The following ZNF813 variants were observed in gnomAD, a reference collection of about 807,000 sequenced individuals.
ZNF813 encodes the protein zinc finger protein 813.
In ZNF813, 3 loss-of-function variants were observed where a neutral mutation model predicts 7.2. The ratio of observed to expected loss-of-function variants is 0.42; its 90% CI spans 0.19 to 1.08. ZNF813 has a LOEUF of 1.08. Ranked by LOEUF, ZNF813 falls within the 50% of genes least tolerant of loss-of-function variation. The pLI is 0.30. For synonymous variants in ZNF813, 227 were observed against 256.3 expected (o/e 0.89, Z 1.09); for missense variants, 714 against 753.3 (o/e 0.95, Z 0.61).
chr19:53,467,798 G>C lies in ZNF813; in HGVS notation c.-74+9G>C, dbSNP rs1266731674. 3.5e-5 allele frequency: 6 copies of C among 170,128 alleles called. No individual in the cohort carries two copies. The highest frequency in any genetic ancestry group is 7.7e-5 in the Non-Finnish European group (6 of 77,518). 10.5% of individuals were successfully genotyped at this position (170,128 alleles called of 1,614,324 possible). On this transcript the variant is annotated intron_variant, in intron 1 of 3. Coordinates refer to ENST00000396403, the MANE Select transcript of ZNF813 (RefSeq NM_001004301.4). ...CGGTCCCACGGCAGCGCGTGAGTTT[G>C]GCTCTGTGTTGTATTAGGTCTGCAC...
chr19:53,486,408 T>C (rs1427870049), intron 2 of ZNF813, among the ~76,000 whole-genome samples: 10 of 150,782 alleles, frequency 6.6e-5, no homozygotes, highest in Non-Finnish European at 1.3e-4. Context: ...GACTGTGCCA[T>C]TGCACTCCAG....
rs527369500 is a variant in ZNF813, at chr19:53,468,975, G to C, written c.-74+1186G>C. On this transcript the variant is annotated intron_variant, in intron 1 of 3. Coordinates refer to ENST00000396403, the MANE Select transcript of ZNF813 (RefSeq NM_001004301.4). ...AGGCCATATCTCAGGCTGTCTCAGT[G>C]GGGGGAAACTTGGACAATACCCAGG... 4.3e-3 allele frequency among the ~76,000 whole-genome samples: 521 copies of C among 120,942 alleles called. 2 individuals are homozygous for C. Among genetic ancestry groups the C allele is most frequent in the Non-Finnish European group, 7.2e-3 (390 of 54,262 alleles). The allele number at this position is 120,942 out of a possible 152,430, so 79.3% of individuals were successfully genotyped here. A position where few individuals can be genotyped will look rare whatever the true frequency, so the allele number is the denominator to read the frequency against.
At chr19:53,468,071 C>T (rs2147151608) in intron 1 of ZNF813, among the ~76,000 whole-genome samples, 1 of 152,372 alleles carries the variant, frequency 6.6e-6, no homozygotes, top group East Asian at 1.9e-4. Context: ...TCCCACCCCG[C>T]GCTTTTTGAA....
Position 53,492,288 on chromosome 19 carries a change from C to G in ZNF813, c.*202C>G. 1.2e-6 allele frequency: 1 copy of G among 835,180 alleles called. No individual in the cohort carries two copies. Among genetic ancestry groups the G allele is most frequent in the South Asian group, 1.8e-5 (1 of 55,764 alleles). The allele number at this position is 835,180 out of a possible 1,614,324, so 51.7% of individuals were successfully genotyped here. ...TCATAGACTTCATAGTGGAGAGAAA[C>G]CTTAGAAATGTGAAGCATGTGACAA... On this transcript the variant is annotated 3_prime_UTR_variant, in exon 4 of 4. Coordinates refer to ENST00000396403, the MANE Select transcript of ZNF813 (RefSeq NM_001004301.4).
At chr19:53,488,373 G>C in intron 3 of ZNF813, 3 of 341,622 alleles carry the variant, frequency 8.8e-6, no homozygotes, top group Non-Finnish European at 1.2e-5. Context: ...ATATTTGTGG[G>C]TTGGAGTGAC....
Position 53,493,599 on chromosome 19 carries a change from T to A in ZNF813, c.*1513T>A, listed in dbSNP as rs2086473883. The A allele has an allele frequency of 6.6e-6, 1 of 152,390 alleles. No homozygotes were observed. 9.4% of individuals were successfully genotyped at this position (152,390 alleles called of 1,614,324 possible). A position where few individuals can be genotyped will look rare whatever the true frequency, so the allele number is the denominator to read the frequency against. On this transcript the variant is annotated 3_prime_UTR_variant, in exon 4 of 4. Coordinates refer to ENST00000396403, the MANE Select transcript of ZNF813 (RefSeq NM_001004301.4). ...TTAAATTTTCTTTTAAAATTGTTTA[T>A]TGTTAATGTATGGAAATTCAGCTAA...
chr19:53,476,158 G>T (rs942686189), intron 1 of ZNF813, among the ~76,000 whole-genome samples: 2 of 152,120 alleles, frequency 1.3e-5, no homozygotes, highest in Admixed American at 6.6e-5. Flanking sequence ...ATTTGGGCTT[G>T]CTTTTTTGAT....
intron 1 of ZNF813, among the ~76,000 whole-genome samples, chr19:53,470,414 A>C (rs2086353088): frequency 1.3e-5 from 2 of 150,698 alleles, no homozygotes; most frequent in Non-Finnish European, 1.5e-5. Context: ...TTTTATAAAC[A>C]AGATTTTAAT....
intron 1 of ZNF813, chr19:53,479,505 C>T (rs145493139): frequency 3.6e-5 from 49 of 1,377,932 alleles, no homozygotes; most frequent in Middle Eastern, 2.5e-4. Context: ...CCTCCGTGAA[C>T]GGTAGGATCC....
At chr19:53,471,536 G>A (rs1409870404) in intron 1 of ZNF813, among the ~76,000 whole-genome samples, 2 of 152,170 alleles carry the variant, frequency 1.3e-5, no homozygotes, top group East Asian at 1.9e-4. Flanking sequence ...AAGGCTGGGT[G>A]CGGTGGCTCA....
At position 53,493,282 on chromosome 19, in the gene ZNF813, T is replaced by G. The variant is rs1253211170; in HGVS notation, c.*1196T>G. 1 of 178,042 alleles carries G rather than the reference T, an allele frequency of 5.6e-6. No homozygotes were observed. Among genetic ancestry groups the G allele is most frequent in the African/African-American group, 2.4e-5 (1 of 42,014 alleles). The allele number at this position is 178,042 out of a possible 1,614,324, so 11.0% of individuals were successfully genotyped here. A position where few individuals can be genotyped will look rare whatever the true frequency, so the allele number is the denominator to read the frequency against. ...ATAGGGATTTTTATGGGTACCGTGT[T>G]GAATCTAAATCACATTGGGTTATAT... is the stretch of plus-strand genomic sequence containing the variant. On this transcript the variant is annotated 3_prime_UTR_variant, in exon 4 of 4. Transcript: ENST00000396403.
chr19:53,488,975 G>T (rs2086446977), intron 3 of ZNF813, among the ~76,000 whole-genome samples: 1 of 151,972 alleles, frequency 6.6e-6, no homozygotes, highest in Non-Finnish European at 1.5e-5. Context: ...TTCGGTATGT[G>T]GTATGCAATA....
chr19:53,488,961 G>T (rs1425056601), intron 3 of ZNF813, among the ~76,000 whole-genome samples: 1 of 152,020 alleles, frequency 6.6e-6, no homozygotes, highest in Non-Finnish European at 1.5e-5. Context: ...TGTACATAAA[G>T]CTTTTCGGTA....
intron 2 of ZNF813, 60 bp from the exon 3 acceptor site, chr19:53,486,564 CTTCTCATT>C: frequency 6.2e-7 from 1 of 1,612,548 alleles, no homozygotes. Context: ...CCTCTCTCCT[CTTCTCATT>C]TTCTGTGAAG....
chr19:53,477,292 C>T (rs1244209957), intron 1 of ZNF813, among the ~76,000 whole-genome samples: 5 of 152,084 alleles, frequency 3.3e-5, no homozygotes, highest in Admixed American at 6.5e-5. Flanking sequence ...GGACTAAAAT[C>T]TTATGTTTAT....
rs1334550697 is a variant in ZNF813, at chr19:53,494,892, CACAT to C, written c.*2807_*2810del. Reference sequence around the variant, plus strand: ...TACAAAAATTAGCTGGGCACGGTAGCACATGCATGCAGGGCCAGCTGCTGTGGAG... The same window carrying C: ...TACAAAAATTAGCTGGGCACGGTAGCGCATGCAGGGCCAGCTGCTGTGGAG... On this transcript the variant is annotated 3_prime_UTR_variant, in exon 4 of 4. Transcript: ENST00000396403. The C allele has an allele frequency of 1.3e-5, 2 of 152,166 alleles. No individual in the cohort carries two copies. The highest frequency in any genetic ancestry group is 4.8e-5 in the African/African-American group (2 of 41,392). The allele number at this position is 152,166 out of a possible 1,614,324, so 9.4% of individuals were successfully genotyped here. A position where few individuals can be genotyped will look rare whatever the true frequency, so the allele number is the denominator to read the frequency against.
At position 53,493,591 on chromosome 19, in the gene ZNF813, A is replaced by G. The variant is rs1568434115; in HGVS notation, c.*1505A>G. 1 of 152,284 alleles carries G rather than the reference A, an allele frequency of 6.6e-6. No individual in the cohort carries two copies. Among genetic ancestry groups the G allele is most frequent in the Non-Finnish European group, 1.5e-5 (1 of 68,072 alleles). The allele number at this position is 152,284 out of a possible 1,614,324, so 9.4% of individuals were successfully genotyped here. On this transcript the variant is annotated 3_prime_UTR_variant, in exon 4 of 4. Transcript: ENST00000396403. ...AAGTGTTTTTAAATTTTCTTTTAAAATTGTTTATTGTTAATGTATGGAAAT... is the reference window on the plus strand; with the variant it reads ...AAGTGTTTTTAAATTTTCTTTTAAAGTTGTTTATTGTTAATGTATGGAAAT...
At chr19:53,470,159 T>TTCCTTCCTTCCTTCCTTCCTTCC (rs1568825757) in intron 1 of ZNF813, among the ~76,000 whole-genome samples, 1 of 66,518 alleles carries the variant, frequency 1.5e-5, no homozygotes, top group Non-Finnish European at 3.0e-5. Flanking sequence ...CTTTCTTTCT[T>TTCCTTCCTTCCTTCCTTCCTTCC]TTTCTTTTCT....
chr19:53,481,508 C>A (rs78191340), intron 1 of ZNF813, among the ~76,000 whole-genome samples: 1 of 151,748 alleles, frequency 6.6e-6, no homozygotes, highest in Non-Finnish European at 1.5e-5. Context: ...CCACCATGCC[C>A]AGCTAAATTT....
Sources: gnomAD v4.1 joint callset for allele counts (sites outside exome capture counted in the v4.1 genomes callset) on GRCh38, gnomAD v4.1.1 for gene constraint, MANE v1.5 for transcripts, NCBI Gene and HGNC (gene_info 2026-07-23, HGNC 2026-07-21) for gene names.